PRIMPOL: variants seen among roughly 807,000 people sequenced by gnomAD.
PRIMPOL encodes the protein DNA-directed primase/polymerase protein.
In PRIMPOL, 54 loss-of-function variants were observed where a neutral mutation model predicts 63.6. The observed-to-expected ratio is 0.85, with a 90% CI of 0.68 to 1.07. The LOEUF (loss-of-function observed/expected upper bound fraction) is 1.07. PRIMPOL is among the 50% of genes least tolerant of loss of function. The pLI is 0.00. For missense variants in PRIMPOL, 610 were observed against 648.3 expected (o/e 0.94, Z 0.64); for synonymous variants, 197 against 220.2 (o/e 0.89, Z 0.93).
chr4:184,660,266 A>G (rs1747948775), intron 4 of PRIMPOL, among the ~76,000 whole-genome samples: 2 of 146,364 alleles, frequency 1.4e-5, no homozygotes, highest in Non-Finnish European at 3.0e-5. Flanking sequence ...GCTCACTGCA[A>G]CCTCCCTGAG....
At chr4:184,688,603 G>T (rs1340933725) in intron 11 of PRIMPOL, among the ~76,000 whole-genome samples, 1 of 152,200 alleles carries the variant, frequency 6.6e-6, no homozygotes, top group Non-Finnish European at 1.5e-5. Context: ...GAAACCCGAG[G>T]CAGGCGTGAG....
chr4:184,670,211 G>T (rs535815799), intron 6 of PRIMPOL, among the ~76,000 whole-genome samples: 1 of 152,124 alleles, frequency 6.6e-6, no homozygotes, highest in African/African-American at 2.4e-5. Context: ...GGCCATGGTC[G>T]CTCCATGCCA....
intron 8 of PRIMPOL, among the ~76,000 whole-genome samples, chr4:184,679,446 A>T (rs915359317): frequency 1.3e-5 from 2 of 152,182 alleles, no homozygotes; most frequent in Non-Finnish European, 2.9e-5. Context: ...ACAGGGTGAG[A>T]CCCCATTGCT....
At chr4:184,658,028 AAATAAAT>A (rs1747019312) in intron 3 of PRIMPOL, among the ~76,000 whole-genome samples, 5 of 146,272 alleles carry the variant, frequency 3.4e-5, no homozygotes, top group African/African-American at 7.9e-5. Context: ...ATAAATAAAT[AAATAAAT>A]ATCACTAAAT....
intron 2 of PRIMPOL, among the ~76,000 whole-genome samples, chr4:184,655,202 G>C (rs572424301): frequency 6.6e-6 from 1 of 151,788 alleles, no homozygotes; most frequent in East Asian, 1.9e-4. Context: ...TAGAGACGGG[G>C]TTTCACCATA....
At position 184,693,482 on chromosome 4, in the gene PRIMPOL, T is replaced by C. The variant is rs191950717; in HGVS notation, c.1426-1040T>C. 7.0e-4 allele frequency among the ~76,000 whole-genome samples: 107 copies of C among 152,338 alleles called. 1 individual carries two copies. Among genetic ancestry groups the C allele is most frequent in the African/African-American group, 2.5e-3 (103 of 41,586 alleles). On this transcript the variant is annotated intron_variant, in intron 13 of 13. Coordinates refer to ENST00000314970, the MANE Select transcript of PRIMPOL (RefSeq NM_152683.4). ...AAGTAAGATATATAATGAACACCCATGTAGCTGTCACTTAGTTTTCAGTTA... is the reference window on the plus strand; with the variant it reads ...AAGTAAGATATATAATGAACACCCACGTAGCTGTCACTTAGTTTTCAGTTA...
chr4:184,689,287 C>T (rs1757827452), intron 11 of PRIMPOL, among the ~76,000 whole-genome samples: 2 of 152,040 alleles, frequency 1.3e-5, no homozygotes, highest in Admixed American at 1.3e-4. Flanking sequence ...GCCTTGAACT[C>T]CAGCCTTCAA....
chr4:184,664,035 G>T (rs1219294590), intron 5 of PRIMPOL, among the ~76,000 whole-genome samples: 1 of 152,162 alleles, frequency 6.6e-6, no homozygotes, highest in East Asian at 1.9e-4. Context: ...GAATTCTGGT[G>T]CTAATGTATT....
intron 9 of PRIMPOL, among the ~76,000 whole-genome samples, chr4:184,684,225 A>G (rs1756400481): frequency 6.6e-6 from 1 of 152,202 alleles, no homozygotes; most frequent in South Asian, 2.1e-4. Flanking sequence ...TGGGAGGCCA[A>G]GGCAGGCGGA....
chr4:184,659,276 G>C (rs1238158799), intron 3 of PRIMPOL, 64 bp from the exon 4 acceptor site: 18 of 1,148,994 alleles, frequency 1.6e-5, no homozygotes, highest in African/African-American at 3.1e-5. Flanking sequence ...ACATTCAGTA[G>C]CTACAGTTGA....
intron 2 of PRIMPOL, among the ~76,000 whole-genome samples, chr4:184,653,885 T>A (rs1187240775): frequency 6.6e-6 from 1 of 152,232 alleles, no homozygotes; most frequent in Non-Finnish European, 1.5e-5. Context: ...CTTACTGTTC[T>A]CCATTTCCTT....
intron 11 of PRIMPOL, among the ~76,000 whole-genome samples, chr4:184,689,572 C>CA (rs1053173028): frequency 6.4e-3 from 64 of 9,958 alleles, no homozygotes; most frequent in African/African-American, 8.6e-3. Flanking sequence ...CCTGCCTCAG[C>CA]CCCCCGAGTA....
chr4:184,688,822 C>G (rs969809950), intron 11 of PRIMPOL, among the ~76,000 whole-genome samples: 9 of 152,178 alleles, frequency 5.9e-5, no homozygotes, highest in African/African-American at 2.2e-4. Context: ...TCCAGACGTT[C>G]CCCGATTTTC....
At chr4:184,667,695 C>T (rs1323456361) in intron 6 of PRIMPOL, among the ~76,000 whole-genome samples, 3 of 152,190 alleles carry the variant, frequency 2.0e-5, no homozygotes, top group Non-Finnish European at 2.9e-5. Context: ...GGTAATTTAT[C>T]TCCTAGCACG....
intron 8 of PRIMPOL, among the ~76,000 whole-genome samples, chr4:184,680,853 G>A (rs1755442418): frequency 6.6e-6 from 1 of 152,190 alleles, no homozygotes; most frequent in Admixed American, 6.5e-5. Context: ...GGATTCTGAA[G>A]TGCAAAGTGC....
intron 6 of PRIMPOL, among the ~76,000 whole-genome samples, chr4:184,670,654 T>C (rs1361146504): frequency 1.3e-5 from 2 of 151,038 alleles, no homozygotes; most frequent in Non-Finnish European, 2.9e-5. Context: ...GTTCAAGCAA[T>C]TCTCTTGCCT....
Position 184,685,456 on chromosome 4 carries a change from C to A in PRIMPOL, c.1144C>A (p.His382Asn). The A allele has an allele frequency of 6.2e-7, 1 of 1,613,132 alleles. No homozygotes were observed. The highest frequency in any genetic ancestry group is 1.1e-5 in the South Asian group (1 of 91,054). ...GTGTTCTCCCTATCCTGAAGTTGAT[C>A]ATTTTGTTCTTTCTTTGGTGAATAA... ...FQCSPYPEVD[H>N]FVLSLVNKDG... Residue 382 changes from histidine to asparagine, a missense_variant, in exon 10 of 14, where the codon CAT (histidine) becomes AAT (asparagine). Physicochemically the swap from His to Asn is moderately conservative, Grantham distance 68. Coordinates refer to ENST00000314970, the MANE Select transcript of PRIMPOL (RefSeq NM_152683.4).
chr4:184,683,422 C>CA (rs56794700), intron 9 of PRIMPOL, among the ~76,000 whole-genome samples: 1,596 of 122,672 alleles, frequency 0.013, 6 homozygotes, highest in African/African-American at 0.018. Context: ...GACTCCATCT[C>CA]AAAAAAAAAA....
Position 184,657,267 on chromosome 4 carries a change from A to G in PRIMPOL, c.127A>G (p.Arg43Gly), listed in dbSNP as rs1311379124. The change falls in exon 3 of 14, where the codon AGA becomes GGA. Residue 43 changes from arginine (R) to glycine (G), a missense_variant. Transcript: ENST00000314970. Reference sequence around the variant, plus strand: ...GCCAGAAGAACCACCCTCCATCTGGAGACTATTTCATCGACAAGCTCAAGC... The same window carrying G: ...GCCAGAAGAACCACCCTCCATCTGGGGACTATTTCATCGACAAGCTCAAGC... ...SKPEEPPSIW[R>G]LFHRQAQAFN... 3 of 1,613,626 alleles carry G rather than the reference A, an allele frequency of 1.9e-6. No homozygotes were observed. The highest frequency in any genetic ancestry group is 3.3e-5 in the Admixed American group (2 of 59,918).
Sources: allele counts gnomAD v4.1 joint callset (sites outside exome capture counted in the v4.1 genomes callset), GRCh38; gene constraint gnomAD v4.1.1; transcripts MANE v1.5; gene names NCBI Gene and HGNC (gene_info 2026-07-23, HGNC 2026-07-21).